CADM2: variants seen among roughly 807,000 people sequenced by gnomAD.
The protein encoded by CADM2 is immunoglobulin superfamily member 4D.
A neutral mutation model predicts 49.8 loss-of-function variants in CADM2; 12 were observed. That is an observed-to-expected ratio of 0.24 (90% CI 0.15 to 0.39). The LOEUF is 0.39. Ranked by LOEUF, CADM2 falls within the 10% of genes least tolerant of loss-of-function variation. The probability of loss-of-function intolerance (pLI) is 1.00; values close to 1 mark genes in which losing one functional copy is unlikely to be tolerated. For missense variants in CADM2, 378 were observed against 492.3 expected (o/e 0.77, Z 2.20); for synonymous variants, 214 against 175.4 (o/e 1.22, Z -1.74).
At chr3:85,717,552 G>T (rs1278825438) in intron 1 of CADM2, among the ~76,000 whole-genome samples, 1 of 152,170 alleles carries the variant, frequency 6.6e-6, no homozygotes, top group Non-Finnish European at 1.5e-5. Flanking sequence ...ATGTGAGAGG[G>T]CATCCTTTTC....
intron 1 of CADM2, among the ~76,000 whole-genome samples, chr3:85,350,178 G>A (rs191647460): frequency 3.5e-4 from 53 of 152,166 alleles, no homozygotes; most frequent in Admixed American, 3.1e-3. Flanking sequence ...CTGAGGGTGG[G>A]ATTAGAAGGT....
chr3:85,982,139 C>T (rs1448236247), intron 8 of CADM2, among the ~76,000 whole-genome samples: 1 of 151,504 alleles, frequency 6.6e-6, no homozygotes, highest in Non-Finnish European at 1.5e-5. Context: ...GCTTGTTAGC[C>T]ACACACATGT....
intron 1 of CADM2, among the ~76,000 whole-genome samples, chr3:85,578,201 T>C (rs569424147): frequency 6.6e-6 from 1 of 152,202 alleles, no homozygotes; most frequent in Non-Finnish European, 1.5e-5. Flanking sequence ...ATAGGTGTCA[T>C]GTGATGACAG....
intron 1 of CADM2, among the ~76,000 whole-genome samples, chr3:85,069,062 G>C (rs901783300): frequency 6.6e-6 from 1 of 152,056 alleles, no homozygotes. Context: ...GCTCTCAAAG[G>C]AAAGCTGAGT....
chr3:85,614,224 G>A (rs1392863688), intron 1 of CADM2, among the ~76,000 whole-genome samples: 1 of 141,184 alleles, frequency 7.1e-6, no homozygotes, highest in Admixed American at 6.8e-5. Context: ...TTTTTTAATA[G>A]AAGTATAATT....
chr3:85,046,227 A>G (rs774443747), intron 1 of CADM2, among the ~76,000 whole-genome samples: 2 of 151,914 alleles, frequency 1.3e-5, no homozygotes, highest in Non-Finnish European at 2.9e-5. Context: ...GGACCTTATC[A>G]TGTTGCGTTA....
chr3:84,990,623 C>A (rs1038505741), intron 1 of CADM2, among the ~76,000 whole-genome samples: 1 of 151,830 alleles, frequency 6.6e-6, no homozygotes, highest in African/African-American at 2.4e-5. Flanking sequence ...AATTAAAATA[C>A]ATTTTTATAA....
At chr3:85,214,215 G>A (rs982757558) in intron 1 of CADM2, among the ~76,000 whole-genome samples, 5 of 152,082 alleles carry the variant, frequency 3.3e-5, no homozygotes, top group Admixed American at 6.5e-5. Context: ...GGTGGTCTTG[G>A]TGGTAAGATA....
chr3:85,444,979 CTG>C (rs896282969), intron 1 of CADM2, among the ~76,000 whole-genome samples: 3 of 152,036 alleles, frequency 2.0e-5, no homozygotes, highest in Non-Finnish European at 4.4e-5. Context: ...ATGATAAAGA[CTG>C]TGTATATTAT....
chr3:85,312,168 C>A (rs1365040985), intron 1 of CADM2, among the ~76,000 whole-genome samples: 1 of 152,038 alleles, frequency 6.6e-6, no homozygotes, highest in African/African-American at 2.4e-5. Context: ...ACGTTAGAAT[C>A]ATCTCTTCAT....
chr3:84,965,380 G>A (rs1430968885), intron 1 of CADM2, among the ~76,000 whole-genome samples: 1 of 152,198 alleles, frequency 6.6e-6, no homozygotes, highest in Non-Finnish European at 1.5e-5. Context: ...TGTGGCATGA[G>A]AGTGAAATGG....
At chr3:85,463,455 A>C (rs2038346823) in intron 1 of CADM2, among the ~76,000 whole-genome samples, 1 of 152,148 alleles carries the variant, frequency 6.6e-6, no homozygotes, top group South Asian at 2.1e-4. Flanking sequence ...TTGATCAGGA[A>C]TTGCCTACTT....
At chr3:85,077,080 A>G (rs539724689) in intron 1 of CADM2, among the ~76,000 whole-genome samples, 2 of 152,310 alleles carry the variant, frequency 1.3e-5, no homozygotes, top group Non-Finnish European at 2.9e-5. Context: ...AGCAAATCTA[A>G]GACTTTTAAT....
intron 8 of CADM2, among the ~76,000 whole-genome samples, chr3:86,047,681 C>T (rs900101356): frequency 1.1e-4 from 16 of 152,192 alleles, no homozygotes; most frequent in Non-Finnish European, 1.9e-4. Context: ...CATGCTGCTC[C>T]AGAATGGCTC....
At chr3:85,699,981 C>T (rs2066699960) in intron 1 of CADM2, among the ~76,000 whole-genome samples, 1 of 152,156 alleles carries the variant, frequency 6.6e-6, no homozygotes, top group Non-Finnish European at 1.5e-5. Context: ...AATCCCATTA[C>T]TGGCTATATA....
chr3:85,995,868 T>C (rs1374202891), intron 8 of CADM2, among the ~76,000 whole-genome samples: 1 of 152,034 alleles, frequency 6.6e-6, no homozygotes, highest in Non-Finnish European at 1.5e-5. Flanking sequence ...GGCGGGTGGA[T>C]CACGAGGTCA....
At chr3:86,061,065 TTTTG>T (rs1035151133) in intron 8 of CADM2, among the ~76,000 whole-genome samples, 8 of 152,054 alleles carry the variant, frequency 5.3e-5, no homozygotes, top group East Asian at 1.9e-4. Flanking sequence ...TGATTAAAAA[TTTTG>T]TTTAAGCACA....
chr3:85,845,771 T>C (rs535945415), intron 3 of CADM2, among the ~76,000 whole-genome samples: 35 of 152,260 alleles, frequency 2.3e-4, no homozygotes, highest in African/African-American at 7.9e-4. Flanking sequence ...TACAACACTA[T>C]ATGTAAATGA....
At chr3:85,196,680 T>C (rs1164526162) in intron 1 of CADM2, among the ~76,000 whole-genome samples, 1 of 151,960 alleles carries the variant, frequency 6.6e-6, no homozygotes, top group African/African-American at 2.4e-5. Flanking sequence ...GGAAAACTCA[T>C]TGTGTGAAAA....
Sources: allele counts gnomAD v4.1 joint callset (sites outside exome capture counted in the v4.1 genomes callset), GRCh38; gene constraint gnomAD v4.1.1; transcripts MANE v1.5; gene names NCBI Gene and HGNC (gene_info 2026-07-23, HGNC 2026-07-21).